C8B: variants seen among roughly 807,000 people sequenced by gnomAD.
The protein encoded by C8B is complement C8 beta chain, also known as complement component C8 beta chain.
C8B carries 67 observed loss-of-function variants against 64.6 expected under a neutral mutation model. That is an observed-to-expected ratio of 1.04 (90% CI 0.85 to 1.27). The LOEUF is 1.27. Ranked by LOEUF, C8B falls within the 50% of genes most tolerant of loss-of-function variation. C8B has a pLI of 0.00. For missense variants in C8B, 790 were observed against 725.2 expected (o/e 1.09, Z -1.03); for synonymous variants, 284 against 257.7 (o/e 1.10, Z -0.98).
At chr1:56,962,863 T>A (rs1430039517) in intron 1 of C8B, among the ~76,000 whole-genome samples, 1 of 152,222 alleles carries the variant, frequency 6.6e-6, no homozygotes, top group Non-Finnish European at 1.5e-5. Flanking sequence ...TATTCATACT[T>A]ACACATATGA....
chr1:56,960,470 T>C (rs1645163277), intron 1 of C8B, among the ~76,000 whole-genome samples: 1 of 152,220 alleles, frequency 6.6e-6, no homozygotes, highest in African/African-American at 2.4e-5. Context: ...TAGAGAAACA[T>C]ATCTGTGAGA....
intron 8 of C8B, among the ~76,000 whole-genome samples, chr1:56,942,774 T>C (rs1644882484): frequency 6.6e-6 from 1 of 151,584 alleles, no homozygotes; most frequent in African/African-American, 2.4e-5. Flanking sequence ...CATTAAAAAG[T>C]AGGGGGGCGT....
intron 8 of C8B, among the ~76,000 whole-genome samples, chr1:56,941,494 GTAGATAGATAGATACA>G (rs199546913): frequency 0.25 from 35,846 of 145,796 alleles, 4,426 homozygotes; most frequent in Admixed American, 0.3. Flanking sequence ...GTAGATAATA[GTAGATAGATAGATACA>G]TAGATAGATA....
chr1:56,937,200 T>A (rs1190395338), intron 9 of C8B, among the ~76,000 whole-genome samples: 3 of 151,994 alleles, frequency 2.0e-5, no homozygotes, highest in African/African-American at 7.3e-5. Context: ...GAGAAGAGAG[T>A]GTCACTTCAA....
intron 3 of C8B, 73 bp downstream of exon 3, chr1:56,956,696 G>A: frequency 4.6e-6 from 7 of 1,537,586 alleles, no homozygotes; most frequent in Non-Finnish European, 6.3e-6. Flanking sequence ...ACTGGACATG[G>A]CCTGTCCCTT....
rs1553120321 is a variant in C8B at position 56,965,398 on chromosome 1, A to AGAGT, written c.92+458_92+459insACTC. Among the ~76,000 whole-genome samples, 942 of 142,656 alleles carry AGAGT rather than the reference A, an allele frequency of 6.6e-3. 9 individuals carry two copies. Among genetic ancestry groups the AGAGT allele is most frequent in the African/African-American group, 0.02 (769 of 37,684 alleles). The allele number at this position is 142,656 out of a possible 152,430, so 93.6% of individuals were successfully genotyped here. A position where few individuals can be genotyped will look rare whatever the true frequency, so the allele number is the denominator to read the frequency against. On this transcript the variant is annotated intron_variant, in intron 1 of 11. Transcript: ENST00000371237. ...GGGGGTGAGAGAGAGAGAGAGAGAG[A>AGAGT]GTGTGTGTGTGTGTGTGTGTGTGTG...
Position 56,949,537 on chromosome 1 carries a change from CAACA to C in C8B, c.864+14_864+17del. The C allele has an allele frequency of 6.2e-7, 1 of 1,606,072 alleles. No individual in the cohort carries two copies. The highest frequency in any genetic ancestry group is 8.5e-7 in the Non-Finnish European group (1 of 1,172,852). On this transcript the variant is annotated intron_variant, in intron 6 of 11. Transcript: ENST00000371237. ...GTAAGACAACATATACGTTTAAAAG[CAACA>C]AAGACATACTTACAGTATGAGAGAA...
chr1:56,961,143 C>A (rs1185122884), intron 1 of C8B, among the ~76,000 whole-genome samples: 1 of 152,162 alleles, frequency 6.6e-6, no homozygotes, highest in African/African-American at 2.4e-5. Context: ...ATTTAATTTG[C>A]CTGGGCCTTC....
chr1:56,948,634 G>T (rs1205856787), intron 6 of C8B, among the ~76,000 whole-genome samples: 1 of 152,138 alleles, frequency 6.6e-6, no homozygotes, highest in East Asian at 1.9e-4. Context: ...GCACCCAGGG[G>T]AGATTGGAGA....
chr1:56,933,097 T>C lies in C8B; in HGVS notation c.1552+238A>G, dbSNP rs571798712. Among the ~76,000 whole-genome samples the C allele has an allele frequency of 2.6e-5, 4 of 152,314 alleles. No individual in the cohort carries two copies. The South Asian group carries it at 8.3e-4, about 32-fold the overall frequency. ...CCTTTGGGTAGAGATTCTCTGAGTT[T>C]ATTCCCACTCCTTGCTGTGGACCAC... is the stretch of plus-strand genomic sequence containing the variant. On this transcript the variant is annotated intron_variant, in intron 10 of 11. Transcript: ENST00000371237.
At chr1:56,934,400 G>C (rs1644746983) in intron 9 of C8B, among the ~76,000 whole-genome samples, 1 of 152,178 alleles carries the variant, frequency 6.6e-6, no homozygotes, top group Non-Finnish European at 1.5e-5. Flanking sequence ...GGCCATGTTT[G>C]AGACGGAGAA....
At position 56,940,900 on chromosome 1, in the gene C8B, C is replaced by CA; in HGVS notation, c.1346dup (p.Met449IlefsTer18). The CA allele has an allele frequency of 6.2e-7, 1 of 1,614,084 alleles. No homozygotes were observed. The highest frequency in any genetic ancestry group is 8.5e-7 in the Non-Finnish European group (1 of 1,180,020). Reference sequence around the variant, plus strand: ...ACTGCACAGCGTCTCCCCACTCCTGCATCAGGTCCGCCGTCGGCAGCTCCT... The same window carrying CA: ...ACTGCACAGCGTCTCCCCACTCCTGCAATCAGGTCCGCCGTCGGCAGCTCCT... On this transcript the variant is annotated frameshift_variant, in exon 9 of 12. Transcript: ENST00000371237. LOFTEE classifies it high-confidence loss of function.
chr1:56,950,299 A>T (rs976235463), intron 5 of C8B, among the ~76,000 whole-genome samples: 1 of 152,192 alleles, frequency 6.6e-6, no homozygotes, highest in Non-Finnish European at 1.5e-5. Context: ...ATTTAGAGTC[A>T]GAGAGACAAA....
chr1:56,964,116 G>T, intron 1 of C8B: 1 of 445,722 alleles, frequency 2.2e-6, no homozygotes, highest in Non-Finnish European at 3.0e-6. Context: ...CTGAGGATCA[G>T]TTTGTTCTCT....
Position 56,943,803 on chromosome 1 carries a change from T to C in C8B, c.1127A>G (p.His376Arg). ...TTTAAAATCATTTTTGGCACAGGCA[T>C]GGACGTTGTTAAGAGTATAATCTGA... ...ERGDYTLNNV[H>R]ACAKNDFKIG... The change falls in exon 8 of 12, where the codon CAT becomes CGT. Residue 376 changes from histidine to arginine, a missense_variant. By Grantham distance (29) the His-to-Arg change is conservative. Transcript: ENST00000371237. 5 of 1,614,092 alleles carry C rather than the reference T, an allele frequency of 3.1e-6. No individual in the cohort carries two copies. Among genetic ancestry groups the C allele is most frequent in the Non-Finnish European group, 4.2e-6 (5 of 1,179,986 alleles).
At chr1:56,932,851 C>T (rs1644721899) in intron 10 of C8B, among the ~76,000 whole-genome samples, 1 of 152,134 alleles carries the variant, frequency 6.6e-6, no homozygotes. Context: ...GTGTGCTGGG[C>T]TGGCCTCTTT....
intron 4 of C8B, among the ~76,000 whole-genome samples, chr1:56,953,614 G>A (rs614020): frequency 0.54 from 81,635 of 152,054 alleles, 22,187 homozygotes; most frequent in South Asian, 0.67. Flanking sequence ...CCAGCACCTC[G>A]TATGTTAGTC....
chr1:56,960,326 A>G (rs1014008713), intron 1 of C8B, 150 bp from the exon 2 acceptor site: 29 of 683,246 alleles, frequency 4.2e-5, no homozygotes, highest in Non-Finnish European at 6.9e-5. Context: ...CCTGGAATTA[A>G]TTAATTAATC....
Position 56,931,820 on chromosome 1 carries a change from G to T in C8B, c.1611C>A (p.Ser537=). Residue 537 remains serine, a synonymous_variant, in exon 11 of 12, where the codon TCC becomes TCA. Transcript: ENST00000371237. ...TTCCAATTAACTTACTCTTCCGATA[G>T]GAGACCTCACAGGCTAGGCCTTGGG... The part of the protein sequence containing the change: ...VGSQGLACEV[S]YRKNTPIDGK... 1 of 1,609,722 alleles carries T rather than the reference G, an allele frequency of 6.2e-7. No homozygotes were observed.
Sources: allele counts gnomAD v4.1 joint callset (sites outside exome capture counted in the v4.1 genomes callset), GRCh38; gene constraint gnomAD v4.1.1; transcripts MANE v1.5; gene names NCBI Gene and HGNC (gene_info 2026-07-23, HGNC 2026-07-21).